The following SLC4A10 variants were observed in gnomAD, a reference collection of about 807,000 sequenced individuals.
The protein encoded by SLC4A10 is sodium-driven chloride bicarbonate exchanger.
A neutral mutation model predicts 137.7 loss-of-function variants in SLC4A10; 42 were observed. The observed-to-expected ratio is 0.30, with a 90% confidence interval of 0.24 to 0.39. The LOEUF (loss-of-function observed/expected upper bound fraction) is 0.39, where lower values mean the gene tolerates loss of function less well. Among genes scored for constraint, SLC4A10 ranks in the 10% least tolerant of loss-of-function variants. SLC4A10 has a pLI of 1.00. For synonymous variants in SLC4A10, 474 were observed against 464.1 expected (o/e 1.02, Z -0.27); for missense variants, 925 against 1,355.0 (o/e 0.68, Z 4.98).
At chr2:161,824,778 C>T (rs1406077833) in intron 3 of SLC4A10, among the ~76,000 whole-genome samples, 11 of 152,078 alleles carry the variant, frequency 7.2e-5, no homozygotes, top group African/African-American at 2.2e-4. Flanking sequence ...GAAGAAGGAT[C>T]GCATCTCATG....
In SLC4A10 at chr2:161,882,378, A is replaced by T. The variant is rs750289311; in HGVS notation, c.1128A>T (p.Gly376=). ...ACAGATTTTTGTTCATTCTTCTGGG[A>T]CCCCTGGGAAAGGGTCAACAGTACC... The part of the protein sequence containing the change: ...IPTRFLFILL[G]PLGKGQQYHE... The change falls in exon 10 of 27, where the codon GGA becomes GGT. Residue 376 remains glycine, a synonymous_variant. Coordinates refer to ENST00000446997, the MANE Select transcript of SLC4A10 (RefSeq NM_001178015.2). The T allele has an allele frequency of 6.3e-7, 1 of 1,586,014 alleles. No individual in the cohort carries two copies. Among genetic ancestry groups the T allele is most frequent in the Non-Finnish European group, 8.6e-7 (1 of 1,165,948 alleles).
intron 3 of SLC4A10, among the ~76,000 whole-genome samples, chr2:161,809,891 T>C (rs764249719): frequency 1.2e-4 from 18 of 152,160 alleles, no homozygotes; most frequent in Admixed American, 2.6e-4. Context: ...AATTTTAGAA[T>C]AGTTTTTCTA....
intron 1 of SLC4A10, among the ~76,000 whole-genome samples, chr2:161,663,916 A>G (rs1206392314): frequency 6.6e-6 from 1 of 151,976 alleles, no homozygotes; most frequent in Non-Finnish European, 1.5e-5. Flanking sequence ...TCATAACTGC[A>G]TACATTTTTT....
intron 1 of SLC4A10, among the ~76,000 whole-genome samples, chr2:161,737,886 A>G (rs953178903): frequency 1.3e-5 from 2 of 152,196 alleles, no homozygotes; most frequent in African/African-American, 2.4e-5. Flanking sequence ...CAAAGGGGAT[A>G]GAACACGAAA....
chr2:161,803,506 C>G (rs150082120), intron 2 of SLC4A10, among the ~76,000 whole-genome samples: 1 of 152,276 alleles, frequency 6.6e-6, no homozygotes, highest in East Asian at 1.9e-4. Context: ...ATGCCCTGTG[C>G]TCCACCTGTT....
chr2:161,910,335 A>C (rs539945015), intron 15 of SLC4A10, among the ~76,000 whole-genome samples: 4 of 152,152 alleles, frequency 2.6e-5, no homozygotes, highest in Non-Finnish European at 4.4e-5. Context: ...TCAAGTGTCA[A>C]GATCATCTAT....
At chr2:161,900,850 T>C in intron 11 of SLC4A10, 61 bp from the exon 12 acceptor site, 1 of 1,173,274 alleles carries the variant, frequency 8.5e-7, no homozygotes, top group Non-Finnish European at 1.2e-6. Context: ...GTTATTATTA[T>C]TTACAATTAA....
chr2:161,752,707 G>C (rs1324435313), intron 1 of SLC4A10, among the ~76,000 whole-genome samples: 1 of 152,074 alleles, frequency 6.6e-6, no homozygotes, highest in Non-Finnish European at 1.5e-5. Context: ...AGTGAACTAA[G>C]CAAGGCACAG....
chr2:161,685,433 C>T (rs1178534939), intron 1 of SLC4A10, among the ~76,000 whole-genome samples: 1 of 152,036 alleles, frequency 6.6e-6, no homozygotes. Flanking sequence ...TGGCAAAACC[C>T]CATCTCTACT....
intron 4 of SLC4A10, 128 bp downstream of exon 4, chr2:161,840,055 C>G: frequency 1.8e-6 from 2 of 1,105,922 alleles, no homozygotes; most frequent in Non-Finnish European, 2.7e-6. Flanking sequence ...GCTCATCTAG[C>G]CTGAGCATAT....
chr2:161,903,400 G>C (rs1683576368), intron 12 of SLC4A10, among the ~76,000 whole-genome samples: 1 of 152,120 alleles, frequency 6.6e-6, no homozygotes, highest in Admixed American at 6.5e-5. Context: ...AAACCTATCT[G>C]TCTCTACTAA....
At chr2:161,884,017 T>A (rs1430973041) in intron 10 of SLC4A10, among the ~76,000 whole-genome samples, 1 of 152,146 alleles carries the variant, frequency 6.6e-6, no homozygotes, top group Non-Finnish European at 1.5e-5. Flanking sequence ...TCCACTGTAA[T>A]GAATAACTTA....
In SLC4A10 at chr2:161,859,574, T is replaced by TTTTTC. The variant is rs1169168918; in HGVS notation, c.578-3280_578-3276dup. On this transcript the variant is annotated intron_variant, in intron 5 of 26. Transcript: ENST00000446997. ...AGCAGAGTGTGACCTATTTGTCCTTTTTTTCTTTTCTTTTCTTTTCTTTTT... is the reference window on the plus strand; with the variant it reads ...AGCAGAGTGTGACCTATTTGTCCTTTTTTTCTTTTCTTTTCTTTTCTTTTCTTTTT... 7.4e-3 allele frequency among the ~76,000 whole-genome samples: 1,044 copies of TTTTTC among 141,210 alleles called. 15 individuals carry two copies. Among genetic ancestry groups the TTTTTC allele is most frequent in the East Asian group, 0.042 (185 of 4,440 alleles). 92.6% of individuals were successfully genotyped at this position (141,210 alleles called of 152,430 possible).
At chr2:161,919,024 G>C (rs7601354) in intron 15 of SLC4A10, among the ~76,000 whole-genome samples, 49,924 of 152,134 alleles carry the variant, frequency 0.33, 8,551 homozygotes, top group Admixed American at 0.41. Flanking sequence ...TGCTCCTGCT[G>C]TCTGGCCTCT....
intron 10 of SLC4A10, among the ~76,000 whole-genome samples, chr2:161,886,944 C>A (rs2062371145): frequency 6.6e-6 from 1 of 151,986 alleles, no homozygotes; most frequent in Non-Finnish European, 1.5e-5. Flanking sequence ...CTCCCCTAGT[C>A]CCCCACCCCT....
intron 19 of SLC4A10, among the ~76,000 whole-genome samples, chr2:161,952,477 T>C (rs375579824): frequency 7.2e-5 from 11 of 152,318 alleles, no homozygotes; most frequent in East Asian, 5.8e-4. Flanking sequence ...ACTAGAACTA[T>C]TTTTGTCACT....
chr2:161,865,930 TCTC>T (rs1484462921), intron 6 of SLC4A10, among the ~76,000 whole-genome samples: 1 of 151,706 alleles, frequency 6.6e-6, no homozygotes, highest in Non-Finnish European at 1.5e-5. Flanking sequence ...TTTTTAAAAA[TCTC>T]CTTAGTAAAA....
chr2:161,920,569 T>C (rs1481299635), intron 15 of SLC4A10, among the ~76,000 whole-genome samples: 1 of 152,210 alleles, frequency 6.6e-6, no homozygotes, highest in Non-Finnish European at 1.5e-5. Context: ...TTTGAATTGT[T>C]CAACTTGCAC....
Position 161,947,733 on chromosome 2 carries a change from T to TA in SLC4A10, c.2265+7dup. ...GCAGATATTTTCCAACCAAGGTACT[T>TA]AGACTATTTCTTGATCTAAATGTAA... On this transcript the variant is annotated splice_region_variant and intron_variant, in intron 17 of 26. Coordinates refer to ENST00000446997, the MANE Select transcript of SLC4A10 (RefSeq NM_001178015.2). 6.2e-7 allele frequency: 1 copy of TA among 1,609,824 alleles called. No individual in the cohort carries two copies. The highest frequency in any genetic ancestry group is 8.5e-7 in the Non-Finnish European group (1 of 1,178,132).
Sources: allele counts gnomAD v4.1 joint callset (sites outside exome capture counted in the v4.1 genomes callset), GRCh38; gene constraint gnomAD v4.1.1; transcripts MANE v1.5; gene names NCBI Gene and HGNC (gene_info 2026-07-23, HGNC 2026-07-21).